Variants in LIPC observed in about 807,000 individuals in gnomAD.
The protein encoded by LIPC is lipase C, hepatic type, also known as hepatic triacylglycerol lipase.
A neutral mutation model predicts 50.7 loss-of-function variants in LIPC; 44 were observed. That is an observed-to-expected ratio of 0.87 (90% CI 0.68 to 1.11). The LOEUF is 1.11. Among genes scored for constraint, LIPC ranks in the 50% most tolerant of loss-of-function variants. The pLI is 0.00. For missense variants in LIPC, 697 were observed against 648.2 expected, an observed-to-expected ratio of 1.08 and a Z score of -0.82; for synonymous variants, 271 against 256.4, an observed-to-expected ratio of 1.06 and a Z score of -0.54.
intron 1 of LIPC, among the ~76,000 whole-genome samples, chr15:58,527,807 G>T (rs1477471915): frequency 6.6e-6 from 1 of 152,180 alleles, no homozygotes; most frequent in Non-Finnish European, 1.5e-5. Context: ...ATGAATGAAT[G>T]AATGAATGGG....
At chr15:58,506,929 G>A (rs1892169979) in intron 1 of LIPC, among the ~76,000 whole-genome samples, 1 of 152,224 alleles carries the variant, frequency 6.6e-6, no homozygotes. Context: ...CATTGCAGAG[G>A]AGGAAGCAAA....
intron 1 of LIPC, among the ~76,000 whole-genome samples, chr15:58,453,978 G>A (rs778717954): frequency 3.9e-5 from 6 of 152,166 alleles, no homozygotes; most frequent in Admixed American, 2.6e-4. Context: ...TTTGCAATGC[G>A]TCTTCACATA....
chr15:58,526,582 G>A (rs893266146), intron 1 of LIPC, among the ~76,000 whole-genome samples: 1 of 152,166 alleles, frequency 6.6e-6, no homozygotes, highest in Non-Finnish European at 1.5e-5. Context: ...CAAAGGCACC[G>A]CGCCAAGCTA....
chr15:58,466,389 G>T (rs1344104562), intron 1 of LIPC, among the ~76,000 whole-genome samples: 3 of 152,166 alleles, frequency 2.0e-5, no homozygotes, highest in Non-Finnish European at 4.4e-5. Context: ...TTTCCATCTG[G>T]TATACAAAAC....
intron 1 of LIPC, among the ~76,000 whole-genome samples, chr15:58,463,517 TACAGCACCC>T (rs1482473824): frequency 1.3e-5 from 2 of 152,194 alleles, no homozygotes; most frequent in Non-Finnish European, 2.9e-5. Context: ...CCCTTTAAGC[TACAGCACCC>T]ACCATTTTGC....
chr15:58,530,781 G>A (rs551216840), intron 1 of LIPC, among the ~76,000 whole-genome samples: 8 of 152,130 alleles, frequency 5.3e-5, no homozygotes, highest in Non-Finnish European at 1.2e-4. Flanking sequence ...TTTAAATCTA[G>A]CTTCTTTCAC....
intron 1 of LIPC, among the ~76,000 whole-genome samples, chr15:58,511,219 A>T (rs1336734790): frequency 6.6e-6 from 1 of 152,170 alleles, no homozygotes; most frequent in African/African-American, 2.4e-5. Context: ...GCATGTTTCC[A>T]GCTAAGACTT....
chr15:58,463,619 G>T (rs1894430517), intron 1 of LIPC, among the ~76,000 whole-genome samples: 1 of 152,154 alleles, frequency 6.6e-6, no homozygotes, highest in African/African-American at 2.4e-5. Context: ...AGAAAGGAAA[G>T]AATCCATCAG....
At chr15:58,516,606 T>C (rs1892496691) in intron 1 of LIPC, among the ~76,000 whole-genome samples, 1 of 152,234 alleles carries the variant, frequency 6.6e-6, no homozygotes, top group Non-Finnish European at 1.5e-5. Context: ...ATGTGTAATC[T>C]GTTATTCATC....
At chr15:58,442,945 C>T (rs1471904909) in intron 1 of LIPC, among the ~76,000 whole-genome samples, 3 of 152,188 alleles carry the variant, frequency 2.0e-5, no homozygotes, top group African/African-American at 7.2e-5. Flanking sequence ...CTGAGTCTCG[C>T]TCTGTTGCCC....
At chr15:58,508,441 T>C (rs1322526460) in intron 1 of LIPC, among the ~76,000 whole-genome samples, 3 of 152,038 alleles carry the variant, frequency 2.0e-5, no homozygotes, top group Non-Finnish European at 4.4e-5. Flanking sequence ...ATTCAGCGAG[T>C]CTTACTCGCT....
At chr15:58,440,147 C>T (rs1893453631) in intron 1 of LIPC, among the ~76,000 whole-genome samples, 1 of 152,138 alleles carries the variant, frequency 6.6e-6, no homozygotes, top group East Asian at 1.9e-4. Flanking sequence ...GAAAGCAGTC[C>T]TTGAAATGAA....
chr15:58,468,238 G>T (rs1894646859), intron 1 of LIPC, among the ~76,000 whole-genome samples: 2 of 152,022 alleles, frequency 1.3e-5, no homozygotes, highest in Non-Finnish European at 1.5e-5. Context: ...CCCAGGTCAC[G>T]GCCACCTCCC....
intron 1 of LIPC, among the ~76,000 whole-genome samples, chr15:58,512,121 G>A (rs1365043439): frequency 2.0e-5 from 3 of 147,608 alleles, no homozygotes; most frequent in Non-Finnish European, 3.0e-5. Context: ...TTTTTGAGAC[G>A]GAGTCTCAAT....
chr15:58,446,825 G>A (rs1362214408), intron 1 of LIPC, among the ~76,000 whole-genome samples: 2 of 152,096 alleles, frequency 1.3e-5, no homozygotes, highest in South Asian at 2.1e-4. Flanking sequence ...CTTCATCAGA[G>A]GGCTAAGCAA....
intron 1 of LIPC, among the ~76,000 whole-genome samples, chr15:58,482,408 A>G (rs945163966): frequency 8.0e-6 from 1 of 125,066 alleles, no homozygotes; most frequent in East Asian, 2.2e-4. Context: ...GTCTACGTGT[A>G]TGGAGTGGTG....
chr15:58,482,660 G>A (rs7165736), intron 1 of LIPC, among the ~76,000 whole-genome samples: 152,099 of 152,322 alleles, frequency 1, 75,941 homozygotes, highest in Middle Eastern at 1. Flanking sequence ...GTGTTCCTGG[G>A]CACAGCCAGA....
intron 1 of LIPC, among the ~76,000 whole-genome samples, chr15:58,537,692 G>GC (rs1273244306): frequency 6.6e-6 from 1 of 152,072 alleles, no homozygotes; most frequent in African/African-American, 2.4e-5. Flanking sequence ...ATCCTGCAAG[G>GC]CCAGGGTCAA....
At chr15:58,461,121 C>T (rs1315033950) in intron 1 of LIPC, among the ~76,000 whole-genome samples, 1 of 152,074 alleles carries the variant, frequency 6.6e-6, no homozygotes, top group East Asian at 1.9e-4. Context: ...GGGAGGGAGA[C>T]GTCATAACAA....
Sources: gnomAD v4.1 joint callset for allele counts (sites outside exome capture counted in the v4.1 genomes callset) on GRCh38, gnomAD v4.1.1 for gene constraint, MANE v1.5 for transcripts, NCBI Gene and HGNC (gene_info 2026-07-23, HGNC 2026-07-21) for gene names.